The following SAMD12 variants were observed in gnomAD, a reference collection of about 807,000 sequenced individuals.
The protein encoded by SAMD12 is sterile alpha motif domain containing 12.
SAMD12 carries 9 observed loss-of-function variants against 15.0 expected under a neutral mutation model. That is an observed-to-expected ratio of 0.60 (90% CI 0.36 to 1.05). SAMD12 has a LOEUF of 1.05. SAMD12 is among the 50% of genes least tolerant of loss of function. The pLI is 0.01. For missense variants in SAMD12, 230 were observed against 234.2 expected (o/e 0.98, Z 0.12); for synonymous variants, 86 against 90.1 (o/e 0.96, Z 0.25).
rs1177306624 is a variant in SAMD12 at position 118,580,731 on chromosome 8, T to C, written c.176A>G (p.Glu59Gly). Residue 59 changes from glutamate to glycine, a missense_variant, in exon 2 of 4, where the codon GAA becomes GGA. By Grantham distance (98) the Glu-to-Gly change is moderately conservative. Transcript: ENST00000314727. ...QKGTPKRLQAEAETAKSATVK... is the reference protein window; with the variant it reads ...QKGTPKRLQAGAETAKSATVK... ...ATTACGCACCTTAGCCGTCTCAGCT[T>C]CTGCCTGCAGTCGCTTGGGAGTTCC... 3.1e-6 allele frequency: 5 copies of C among 1,612,830 alleles called. No individual in the cohort carries two copies. The East Asian group carries it at 8.9e-5, about 29-fold the overall frequency.
chr8:118,140,312 C>T, the SAMD12 span, among the ~76,000 whole-genome samples: 1 of 151,918 alleles, frequency 6.6e-6, no homozygotes, highest in African/African-American at 2.4e-5. Context: ...CACTCTGTTG[C>T]CCAGACTGGA....
At chr8:118,510,727 C>T (rs533130349) in intron 2 of SAMD12, among the ~76,000 whole-genome samples, 8 of 152,244 alleles carry the variant, frequency 5.3e-5, no homozygotes, top group African/African-American at 1.7e-4. Context: ...AACCCAATGC[C>T]CAGTACCTCT....
chr8:118,607,241 T>G (rs1828006756), intron 1 of SAMD12, among the ~76,000 whole-genome samples: 1 of 151,388 alleles, frequency 6.6e-6, no homozygotes. Flanking sequence ...CAAATGTCCT[T>G]TTTTTTTTCT....
chr8:118,402,017 C>T (rs538507416), intron 3 of SAMD12, among the ~76,000 whole-genome samples: 2 of 152,176 alleles, frequency 1.3e-5, no homozygotes, highest in East Asian at 3.9e-4. Flanking sequence ...TTCTGATTTA[C>T]AGAGCTCAGT....
At chr8:118,552,108 A>T (rs1296189352) in intron 2 of SAMD12, among the ~76,000 whole-genome samples, 1 of 152,166 alleles carries the variant, frequency 6.6e-6, no homozygotes, top group Admixed American at 6.5e-5. Context: ...ACGAGGAGGA[A>T]CTGGTACCAT....
intron 4 of SAMD12, among the ~76,000 whole-genome samples, chr8:118,277,932 C>T (rs1813512164): frequency 6.6e-6 from 1 of 152,142 alleles, no homozygotes; most frequent in South Asian, 2.1e-4. Context: ...GTAATTTCCA[C>T]AGCAAACAAT....
intron 1 of SAMD12, among the ~76,000 whole-genome samples, chr8:118,605,654 AT>A (rs1380215352): frequency 6.6e-6 from 1 of 151,766 alleles, no homozygotes; most frequent in East Asian, 1.9e-4. Flanking sequence ...TCGCTATGAA[AT>A]TTTTTTAAAG....
intron 4 of SAMD12, among the ~76,000 whole-genome samples, chr8:118,320,452 A>T (rs765730902): frequency 6.6e-6 from 1 of 152,164 alleles, no homozygotes; most frequent in Admixed American, 6.6e-5. Flanking sequence ...GAATGTTTTT[A>T]TTTTCTTTTT....
At chr8:118,244,960 A>G (rs888679190) in intron 4 of SAMD12, among the ~76,000 whole-genome samples, 2 of 152,088 alleles carry the variant, frequency 1.3e-5, no homozygotes, top group Non-Finnish European at 2.9e-5. Context: ...CACATTCTCA[A>G]TAGGGTTTAT....
chr8:118,619,386 G>A (rs2131330705), intron 1 of SAMD12, among the ~76,000 whole-genome samples: 1 of 151,510 alleles, frequency 6.6e-6, no homozygotes, highest in South Asian at 2.1e-4. Flanking sequence ...GGCTGAGGCA[G>A]GAGAATGGCG....
intron 4 of SAMD12, among the ~76,000 whole-genome samples, chr8:118,252,481 G>T (rs1478215474): frequency 6.8e-6 from 1 of 146,328 alleles, no homozygotes; most frequent in Non-Finnish European, 1.5e-5. Context: ...CTCCTGTCTT[G>T]GTAGTGCTCT....
chr8:118,507,150 C>T (rs1237156117), intron 2 of SAMD12, among the ~76,000 whole-genome samples: 1 of 151,982 alleles, frequency 6.6e-6, no homozygotes, highest in Non-Finnish European at 1.5e-5. Flanking sequence ...ACACTGAGCA[C>T]CTCATTGATA....
At chr8:118,403,820 T>C (rs1820986332) in intron 3 of SAMD12, among the ~76,000 whole-genome samples, 1 of 152,296 alleles carries the variant, frequency 6.6e-6, no homozygotes, top group East Asian at 1.9e-4. Context: ...AACAACATTG[T>C]CATCCTTGTA....
intron 3 of SAMD12, among the ~76,000 whole-genome samples, chr8:118,417,578 A>G (rs897580493): frequency 9.2e-5 from 14 of 152,252 alleles, no homozygotes; most frequent in Non-Finnish European, 1.9e-4. Flanking sequence ...ATAATAAATT[A>G]CAAATTATTT....
chr8:118,400,551 A>T (rs1343175645), intron 3 of SAMD12: 1 of 152,254 alleles, frequency 6.6e-6, no homozygotes. Context: ...TGGAAACATA[A>T]ATAAGTCAAA....
chr8:118,343,634 G>A (rs1364025601), intron 4 of SAMD12, among the ~76,000 whole-genome samples: 1 of 152,174 alleles, frequency 6.6e-6, no homozygotes, highest in Non-Finnish European at 1.5e-5. Context: ...TTTGTGCCAA[G>A]CACTTTGCTT....
the SAMD12 span, among the ~76,000 whole-genome samples, chr8:118,167,830 T>C: frequency 4.6e-5 from 7 of 152,082 alleles, no homozygotes; most frequent in Non-Finnish European, 7.4e-5. Context: ...CCCACTATAA[T>C]GAGCAACAAA....
At chr8:118,488,351 TTTTAA>T (rs1413082139) in intron 2 of SAMD12, among the ~76,000 whole-genome samples, 46 of 152,212 alleles carry the variant, frequency 3.0e-4, no homozygotes, top group African/African-American at 1.1e-3. Flanking sequence ...ATACAATTTA[TTTTAA>T]TTTATTATTG....
intron 2 of SAMD12, among the ~76,000 whole-genome samples, chr8:118,530,486 G>C (rs552071849): frequency 6.6e-6 from 1 of 152,060 alleles, no homozygotes; most frequent in Non-Finnish European, 1.5e-5. Flanking sequence ...TTCTGTTATT[G>C]TATTAGTTCA....
Sources: allele counts gnomAD v4.1 joint callset (sites outside exome capture counted in the v4.1 genomes callset), GRCh38; gene constraint gnomAD v4.1.1; transcripts MANE v1.5; gene names NCBI Gene and HGNC (gene_info 2026-07-23, HGNC 2026-07-21).